The following GRIP1 variants were observed in gnomAD, a reference collection of about 807,000 sequenced individuals.
GRIP1 encodes the protein glutamate receptor-interacting protein 1.
A neutral mutation model predicts 129.9 loss-of-function variants in GRIP1; 45 were observed. The ratio of observed to expected loss-of-function variants is 0.35; its 90% CI spans 0.27 to 0.44. The LOEUF is 0.44. Among genes scored for constraint, GRIP1 ranks in the 20% least tolerant of loss-of-function variants. The pLI, the probability that GRIP1 is intolerant of heterozygous loss-of-function variation, is 1.00. For missense variants in GRIP1, 1,196 were observed against 1,396.8 expected, an observed-to-expected ratio of 0.86 and a Z score of 2.29; for synonymous variants, 530 against 520.8, an observed-to-expected ratio of 1.02 and a Z score of -0.24.
At chr12:66,926,812 TAA>T (rs1240089949) in intron 1 of GRIP1, among the ~76,000 whole-genome samples, 3 of 152,188 alleles carry the variant, frequency 2.0e-5, no homozygotes, top group Non-Finnish European at 4.4e-5. Flanking sequence ...ACTAGAAATA[TAA>T]CTCTATTAAA....
intron 1 of GRIP1, among the ~76,000 whole-genome samples, chr12:67,063,785 G>A (rs1395784768): frequency 2.6e-5 from 4 of 152,082 alleles, no homozygotes; most frequent in Non-Finnish European, 5.9e-5. Flanking sequence ...TTTTCTTCAT[G>A]AACGAAACCA....
chr12:66,422,659 A>C (rs1161546674), intron 14 of GRIP1, among the ~76,000 whole-genome samples: 1 of 152,186 alleles, frequency 6.6e-6, no homozygotes, highest in Non-Finnish European at 1.5e-5. Context: ...TATCAGACCT[A>C]TCTCTGTCAT....
At chr12:66,782,617 T>G (rs1343928337) in intron 1 of GRIP1, among the ~76,000 whole-genome samples, 1 of 152,208 alleles carries the variant, frequency 6.6e-6, no homozygotes, top group African/African-American at 2.4e-5. Context: ...TTCTTTCACT[T>G]CTGGTTATGG....
At chr12:66,805,142 C>T (rs1033709042), upstream of GRIP1, among the ~76,000 whole-genome samples, 2 of 152,038 alleles carry the variant, frequency 1.3e-5, no homozygotes, top group Non-Finnish European at 2.9e-5. Context: ...AAACCTAGCT[C>T]AATTGTTACA....
At chr12:66,803,236 T>G (rs2038908514) in intron 1 of GRIP1, among the ~76,000 whole-genome samples, 1 of 152,200 alleles carries the variant, frequency 6.6e-6, no homozygotes, top group South Asian at 2.1e-4. Flanking sequence ...TAAATAATTT[T>G]TAGCTTTTTA....
At chr12:66,506,688 A>ATT (rs1330865980) in intron 7 of GRIP1, among the ~76,000 whole-genome samples, 1 of 152,198 alleles carries the variant, frequency 6.6e-6, no homozygotes, top group African/African-American at 2.4e-5. Flanking sequence ...ACAAAAGTAA[A>ATT]TTTTAAAGCA....
At chr12:66,869,223 T>C (rs1470629434) in intron 1 of GRIP1, among the ~76,000 whole-genome samples, 15 of 151,978 alleles carry the variant, frequency 9.9e-5, no homozygotes, top group African/African-American at 2.4e-4. Flanking sequence ...ATTTCTTGAA[T>C]TGAATCAACT....
intron 1 of GRIP1, among the ~76,000 whole-genome samples, chr12:67,013,605 T>C (rs565709432): frequency 6.6e-6 from 1 of 152,266 alleles, no homozygotes; most frequent in South Asian, 2.1e-4. Context: ...TTTGAACACT[T>C]GTTGTTATTT....
At chr12:66,839,971 TTGCAAATTCAATAATTTAA>T (rs760104843) in intron 1 of GRIP1, among the ~76,000 whole-genome samples, 13 of 152,170 alleles carry the variant, frequency 8.5e-5, no homozygotes, top group Non-Finnish European at 1.0e-4. Flanking sequence ...ATCAATAAGG[TTGCAAATTCAATAATTTAA>T]TCCTTGACCC....
intron 1 of GRIP1, among the ~76,000 whole-genome samples, chr12:66,781,808 C>T (rs1460552320): frequency 6.6e-6 from 1 of 152,092 alleles, no homozygotes; most frequent in African/African-American, 2.4e-5. Context: ...AATCAGAAAC[C>T]TTCTTAGGTA....
At chr12:66,529,743 C>T in intron 5 of GRIP1, 88 bp downstream of exon 5, 1 of 816,702 alleles carries the variant, frequency 1.2e-6, no homozygotes, top group East Asian at 2.4e-5. Flanking sequence ...ATAACTTATT[C>T]ATGTAACCAA....
At position 66,872,142 on chromosome 12, in the gene GRIP1, AT is replaced by A. The variant is rs527880734; in HGVS notation, c.58+196907del. ...CAAGACTCCCTTCCAGCTAGGATAC[AT>A]GCACCTGCAGGAGGTTTTGCCAGTT... On this transcript the variant is annotated intron_variant, in intron 1 of 1. Coordinates refer to the GRIP1 transcript ENST00000643019. 1.7e-3 allele frequency among the ~76,000 whole-genome samples: 261 copies of A among 152,186 alleles called. 1 individual carries two copies. Among genetic ancestry groups the A allele is most frequent in the African/African-American group, 5.9e-3 (247 of 41,546 alleles).
intron 1 of GRIP1, among the ~76,000 whole-genome samples, chr12:67,031,420 T>C (rs918626718): frequency 2.0e-5 from 3 of 152,300 alleles, no homozygotes; most frequent in Middle Eastern, 3.4e-3. Context: ...TAAGGGCATA[T>C]CCTGGCCTTC....
At chr12:66,841,475 TTAAAG>T (rs1296398680) in intron 1 of GRIP1, among the ~76,000 whole-genome samples, 1 of 152,310 alleles carries the variant, frequency 6.6e-6, no homozygotes, top group Middle Eastern at 3.4e-3. Context: ...CAAACATTGT[TTAAAG>T]TAATTCTAAA....
At chr12:66,674,107 G>T (rs557638072) in intron 1 of GRIP1, among the ~76,000 whole-genome samples, 1 of 152,134 alleles carries the variant, frequency 6.6e-6, no homozygotes, top group Non-Finnish European at 1.5e-5. Flanking sequence ...GGCCAGCGAG[G>T]GTTAGCAGAA....
At chr12:67,061,578 C>G (rs1038395980) in intron 1 of GRIP1, among the ~76,000 whole-genome samples, 2 of 152,152 alleles carry the variant, frequency 1.3e-5, no homozygotes, top group Non-Finnish European at 2.9e-5. Flanking sequence ...AATTGCATTA[C>G]CAGGGAAGAT....
chr12:66,950,956 A>C (rs1452743458), intron 1 of GRIP1, among the ~76,000 whole-genome samples: 1 of 152,218 alleles, frequency 6.6e-6, no homozygotes, highest in Non-Finnish European at 1.5e-5. Context: ...CTGGAAGACA[A>C]ATCTGCAAAT....
At chr12:66,470,239 T>C (rs2059399784) in intron 7 of GRIP1, among the ~76,000 whole-genome samples, 1 of 152,186 alleles carries the variant, frequency 6.6e-6, no homozygotes. Context: ...TAACATGGTC[T>C]ACAAGGACCT....
chr12:66,353,196 G>C (rs568110637), intron 24 of GRIP1, among the ~76,000 whole-genome samples: 1 of 152,052 alleles, frequency 6.6e-6, no homozygotes, highest in African/African-American at 2.4e-5. Flanking sequence ...GCTCAGTGCC[G>C]AAAAAAACTG....
Sources: gnomAD v4.1 joint callset for allele counts (sites outside exome capture counted in the v4.1 genomes callset) on GRCh38, gnomAD v4.1.1 for gene constraint, MANE v1.5 for transcripts, NCBI Gene and HGNC (gene_info 2026-07-23, HGNC 2026-07-21) for gene names.